Variants in CBLB observed in about 807,000 individuals in gnomAD.
CBLB encodes Cbl proto-oncogene B.
CBLB carries 31 observed loss-of-function variants against 104.9 expected under a neutral mutation model. The observed-to-expected ratio is 0.30, with a 90% CI of 0.22 to 0.40. The LOEUF is 0.40. Among genes scored for constraint, CBLB ranks in the 10% least tolerant of loss-of-function variants. CBLB has a pLI of 1.00. For missense variants in CBLB, 1,062 were observed against 1,214.6 expected (o/e 0.87, Z 1.87); for synonymous variants, 440 against 422.6 (o/e 1.04, Z -0.51).
chr3:105,692,666 T>C (rs1193203592), intron 13 of CBLB, among the ~76,000 whole-genome samples: 1 of 151,894 alleles, frequency 6.6e-6, no homozygotes, highest in Non-Finnish European at 1.5e-5. Context: ...GTGCATAGAG[T>C]TAATTTAATG....
At chr3:105,725,963 T>C (rs1442329855) in intron 9 of CBLB, among the ~76,000 whole-genome samples, 1 of 152,148 alleles carries the variant, frequency 6.6e-6, no homozygotes, top group Non-Finnish European at 1.5e-5. Context: ...CATTCACCTG[T>C]GCCTCAGCCT....
intron 3 of CBLB, among the ~76,000 whole-genome samples, chr3:105,788,386 G>A (rs2081267553): frequency 6.6e-6 from 1 of 151,968 alleles, no homozygotes; most frequent in African/African-American, 2.4e-5. Flanking sequence ...CAATCTTTTG[G>A]TTTCCTTGGG....
chr3:105,742,207 A>G (rs1395222973), intron 6 of CBLB, among the ~76,000 whole-genome samples: 1 of 152,262 alleles, frequency 6.6e-6, no homozygotes, highest in Non-Finnish European at 1.5e-5. Context: ...CTATATTTTA[A>G]TATTCGAGCT....
At chr3:105,694,076 G>C (rs1400026976) in intron 12 of CBLB, among the ~76,000 whole-genome samples, 1 of 151,910 alleles carries the variant, frequency 6.6e-6, no homozygotes, top group Non-Finnish European at 1.5e-5. Context: ...AATCAGAAGT[G>C]CCTTTGTTCT....
chr3:105,819,517 C>T (rs2085528045), intron 3 of CBLB, among the ~76,000 whole-genome samples: 1 of 151,700 alleles, frequency 6.6e-6, no homozygotes, highest in Admixed American at 6.6e-5. Context: ...AAAGAAAAAC[C>T]ATAATGAAGG....
chr3:105,694,485 C>T (rs1031765160), intron 12 of CBLB, among the ~76,000 whole-genome samples: 6 of 151,792 alleles, frequency 4.0e-5, no homozygotes, highest in African/African-American at 1.4e-4. Context: ...AATAGGTAGA[C>T]TGATGGTGGG....
At chr3:105,818,896 T>TA (rs893228398) in intron 3 of CBLB, among the ~76,000 whole-genome samples, 11 of 150,890 alleles carry the variant, frequency 7.3e-5, no homozygotes, top group East Asian at 3.9e-4. Context: ...GATTAATTTG[T>TA]AAAAAAAAAT....
At chr3:105,697,446 T>C (rs146437254) in intron 12 of CBLB, among the ~76,000 whole-genome samples, 22 of 152,056 alleles carry the variant, frequency 1.4e-4, no homozygotes, top group African/African-American at 5.3e-4. Flanking sequence ...AAGAAAAACA[T>C]CTTTTAAAAA....
chr3:105,740,698 A>G, intron 6 of CBLB, 67 bp from the exon 7 acceptor site: 2 of 1,370,594 alleles, frequency 1.5e-6, no homozygotes, highest in Non-Finnish European at 2.1e-6. Context: ...ACAATTTGTT[A>G]GGTTTCTTCC....
intron 18 of CBLB, among the ~76,000 whole-genome samples, chr3:105,667,666 C>G (rs1465840291): frequency 6.6e-6 from 1 of 152,084 alleles, no homozygotes; most frequent in Non-Finnish European, 1.5e-5. Flanking sequence ...CATATACATG[C>G]AGACATACTT....
intron 17 of CBLB, among the ~76,000 whole-genome samples, chr3:105,674,603 T>A (rs2065404851): frequency 6.6e-6 from 1 of 152,220 alleles, no homozygotes; most frequent in Non-Finnish European, 1.5e-5. Context: ...AGTCTTTGCT[T>A]TGTTTCTTGA....
In CBLB at chr3:105,827,660, C is replaced by T. The variant is rs570266339; in HGVS notation, c.419+25754G>A. 2.6e-5 allele frequency among the ~76,000 whole-genome samples: 4 copies of T among 152,122 alleles called. No homozygotes were observed. The South Asian group carries it at 8.3e-4, about 32-fold the overall frequency. Reference sequence around the variant, plus strand: ...AGGGAGGAAGACAAAGAAAGGGAGGCAAAGCAGACACAAAAATTTAAGACA... The same window carrying T: ...AGGGAGGAAGACAAAGAAAGGGAGGTAAAGCAGACACAAAAATTTAAGACA... On this transcript the variant is annotated intron_variant, in intron 3 of 18. Transcript: ENST00000394030.
intron 7 of CBLB, among the ~76,000 whole-genome samples, chr3:105,740,260 A>C (rs2075392659): frequency 6.6e-6 from 1 of 152,240 alleles, no homozygotes; most frequent in African/African-American, 2.4e-5. Flanking sequence ...ATGAAAGATA[A>C]AAATTCATGT....
chr3:105,760,774 G>GAAAA (rs896507455), intron 4 of CBLB, among the ~76,000 whole-genome samples: 4 of 152,140 alleles, frequency 2.6e-5, no homozygotes, highest in African/African-American at 9.6e-5. Flanking sequence ...AACCCTGAAA[G>GAAAA]AAAAAACTCT....
At chr3:105,723,573 T>C (rs1357886662) in intron 9 of CBLB, among the ~76,000 whole-genome samples, 2 of 151,922 alleles carry the variant, frequency 1.3e-5, no homozygotes, top group Admixed American at 6.5e-5. Flanking sequence ...AAATATAACT[T>C]TAGGTAAACT....
Position 105,693,542 on chromosome 3 carries a change from G to A in CBLB, c.2006C>T (p.Pro669Leu). 6.2e-7 allele frequency: 1 copy of A among 1,612,596 alleles called. No individual in the cohort carries two copies. The highest frequency in any genetic ancestry group is 1.1e-5 in the South Asian group (1 of 91,030). ...HLGSEEYDVP[P>L]RLSPPPPVTT... ...AACTGGAGGAGGAGGAGAAAGCCGG[G>A]GAGGAACATCATATTCTTCACTTCC... The change falls in exon 13 of 19, where the codon CCC becomes CTC. Residue 669 changes from proline (P) to leucine (L), a missense_variant. Transcript: ENST00000394030.
chr3:105,811,097 AT>A (rs2084229951), intron 3 of CBLB, among the ~76,000 whole-genome samples: 1 of 152,166 alleles, frequency 6.6e-6, no homozygotes, highest in Non-Finnish European at 1.5e-5. Context: ...ATTAAAGAGT[AT>A]TTTTCAGGAA....
intron 3 of CBLB, among the ~76,000 whole-genome samples, chr3:105,852,077 T>C (rs779057636): frequency 6.6e-6 from 1 of 152,250 alleles, no homozygotes. Context: ...TACTATACTA[T>C]AAACTTTTTA....
intron 4 of CBLB, among the ~76,000 whole-genome samples, chr3:105,767,038 T>C (rs972591135): frequency 6.6e-6 from 1 of 152,154 alleles, no homozygotes; most frequent in Non-Finnish European, 1.5e-5. Flanking sequence ...AGGCCTCCAA[T>C]AGATATGTAA....
Sources: gnomAD v4.1 joint callset for allele counts (sites outside exome capture counted in the v4.1 genomes callset) on GRCh38, gnomAD v4.1.1 for gene constraint, MANE v1.5 for transcripts, NCBI Gene and HGNC (gene_info 2026-07-23, HGNC 2026-07-21) for gene names.